Variants in ARHGEF3 observed in about 807,000 individuals in gnomAD.
The protein encoded by ARHGEF3 is Rho guanine nucleotide exchange factor 3, also known as 59.8 kDA protein.
A neutral mutation model predicts 63.2 loss-of-function variants in ARHGEF3; 28 were observed. That is an observed-to-expected ratio of 0.44 (90% CI 0.33 to 0.61). The LOEUF is 0.61. Ranked by LOEUF, ARHGEF3 falls within the 20% of genes least tolerant of loss-of-function variation. ARHGEF3 has a pLI of 0.03. For missense variants in ARHGEF3, 533 were observed against 659.3 expected (o/e 0.81, Z 2.10); for synonymous variants, 266 against 254.2 (o/e 1.05, Z -0.44).
chr3:56,827,462 T>C (rs926662949), intron 4 of ARHGEF3, among the ~76,000 whole-genome samples: 4 of 152,156 alleles, frequency 2.6e-5, no homozygotes, highest in African/African-American at 7.2e-5. Flanking sequence ...GCAAGCTGCC[T>C]CACCTGCTTA....
At chr3:56,914,257 T>C (rs772351969) in intron 3 of ARHGEF3, among the ~76,000 whole-genome samples, 10 of 152,182 alleles carry the variant, frequency 6.6e-5, no homozygotes, top group Non-Finnish European at 1.2e-4. Context: ...ATACTAGCTG[T>C]ACTCTAATGA....
intron 3 of ARHGEF3, chr3:56,938,556 A>G (rs1560066446): frequency 6.6e-6 from 1 of 152,220 alleles, no homozygotes; most frequent in Non-Finnish European, 1.5e-5. Flanking sequence ...TACACTAAAT[A>G]TGCATGAGAC....
Position 56,774,213 on chromosome 3 carries a change from T to A in ARHGEF3, c.97-397A>T, listed in dbSNP as rs1033100380. On this transcript the variant is annotated intron_variant, in intron 1 of 9. Transcript: ENST00000296315. Reference sequence around the variant, plus strand: ...CTTTTGTTGCTTCTGGTTTCATCTCTTTAAAAACCTTTTCCCCATCTTGCC... The same window carrying A: ...CTTTTGTTGCTTCTGGTTTCATCTCATTAAAAACCTTTTCCCCATCTTGCC... 2.6e-5 allele frequency among the ~76,000 whole-genome samples: 4 copies of A among 152,166 alleles called. No homozygotes were observed. In the South Asian group the frequency reaches 8.3e-4, roughly 31 times the overall value.
At chr3:56,809,019 G>C (rs1014058711) in intron 4 of ARHGEF3, among the ~76,000 whole-genome samples, 2 of 152,156 alleles carry the variant, frequency 1.3e-5, no homozygotes, top group Admixed American at 6.5e-5. Context: ...TGACCTCAAG[G>C]TATTTTCACT....
chr3:56,898,500 C>T lies in ARHGEF3; in HGVS notation c.130-16146G>A, dbSNP rs561502258. The T allele has an allele frequency of 5.3e-5, 9 of 168,878 alleles. No homozygotes were observed. In the East Asian group the frequency reaches 5.6e-4, roughly 10 times the overall value. The allele number at this position is 168,878 out of a possible 1,614,324, so 10.5% of individuals were successfully genotyped here. A position where few individuals can be genotyped will look rare whatever the true frequency, so the allele number is the denominator to read the frequency against. ...CTGAGATTACAGGCATGAGCCACAG[C>T]GCCTGGCCAGTCTTCTTTCTTTAGT... On this transcript the variant is annotated intron_variant, in intron 3 of 12. Transcript: ENST00000338458.
At chr3:56,774,162 T>C (rs1305734112) in intron 1 of ARHGEF3, among the ~76,000 whole-genome samples, 1 of 152,222 alleles carries the variant, frequency 6.6e-6, no homozygotes, top group Non-Finnish European at 1.5e-5. Flanking sequence ...AAAAGCAGTG[T>C]CTGATTTCTC....
chr3:56,752,219 C>G (rs1423461286), intron 4 of ARHGEF3, among the ~76,000 whole-genome samples: 1 of 150,186 alleles, frequency 6.7e-6, no homozygotes, highest in Admixed American at 6.6e-5. Context: ...CAGCACCCAG[C>G]CTAATTTTTG....
chr3:56,864,644 G>A (rs1006330612), intron 4 of ARHGEF3, among the ~76,000 whole-genome samples: 2 of 152,144 alleles, frequency 1.3e-5, no homozygotes, highest in African/African-American at 4.8e-5. Flanking sequence ...CCAACACAGC[G>A]TGACTATAGG....
chr3:57,067,529 T>C (rs1385363658), intron 1 of ARHGEF3, among the ~76,000 whole-genome samples: 1 of 149,776 alleles, frequency 6.7e-6, no homozygotes, highest in East Asian at 2.0e-4. Context: ...ATAGTAGATA[T>C]ATTTGTTTTC....
At chr3:56,883,333 T>C (rs1025289815) in intron 3 of ARHGEF3, among the ~76,000 whole-genome samples, 1 of 151,418 alleles carries the variant, frequency 6.6e-6, no homozygotes, top group South Asian at 2.1e-4. Flanking sequence ...AGGGTCTCCC[T>C]CTGTTGCCTA....
chr3:56,954,741 CAATCCGGGA>C (rs1466804267), intron 3 of ARHGEF3, among the ~76,000 whole-genome samples: 3 of 152,158 alleles, frequency 2.0e-5, no homozygotes, highest in Non-Finnish European at 4.4e-5. Flanking sequence ...ATGAAGATGA[CAATCCGGGA>C]AAGGGCTAAA....
rs147437260 is a variant in ARHGEF3, at chr3:56,987,101, A to C, written c.63-28212T>G. ...GTGATGCATGCCTGTAGTCCCAGCT[A>C]CTAGGAAGGCTAAGATGGGAGGATC... On this transcript the variant is annotated intron_variant, in intron 2 of 12. Transcript: ENST00000338458. Among the ~76,000 whole-genome samples the C allele has an allele frequency of 1.9e-3, 294 of 152,288 alleles. 2 individuals are homozygous for C. Among genetic ancestry groups the C allele is most frequent in the Middle Eastern group, 6.8e-3 (2 of 292 alleles).
intron 1 of ARHGEF3, among the ~76,000 whole-genome samples, chr3:57,044,017 AC>A (rs1005280359): frequency 4.5e-4 from 68 of 152,306 alleles, no homozygotes; most frequent in African/African-American, 1.6e-3. Context: ...TCCACCACTC[AC>A]ATCACCCCCT....
At chr3:57,071,096 T>C (rs1705875035) in intron 1 of ARHGEF3, among the ~76,000 whole-genome samples, 1 of 151,902 alleles carries the variant, frequency 6.6e-6, no homozygotes, top group African/African-American at 2.4e-5. Flanking sequence ...TAGACAGCAA[T>C]ACTGGCATAA....
At chr3:57,054,857 G>A (rs192342570) in intron 1 of ARHGEF3, among the ~76,000 whole-genome samples, 11 of 151,614 alleles carry the variant, frequency 7.3e-5, no homozygotes, top group Admixed American at 5.3e-4. Flanking sequence ...CACCATGTTG[G>A]CCAGTATGAT....
intron 3 of ARHGEF3, among the ~76,000 whole-genome samples, chr3:56,948,435 G>T (rs1002181496): frequency 1.4e-4 from 22 of 152,134 alleles, no homozygotes; most frequent in Non-Finnish European, 8.8e-5. Flanking sequence ...AATAAAAAAT[G>T]ATAAAGGGGA....
rs563952836 is a variant in ARHGEF3 at position 57,029,452 on chromosome 3, C to T, written c.62+5636G>A. Among the ~76,000 whole-genome samples the T allele has an allele frequency of 3.1e-4, 47 of 151,996 alleles. 2 individuals carry two copies. In the South Asian group the frequency reaches 9.4e-3, roughly 30 times the overall value. On this transcript the variant is annotated intron_variant, in intron 2 of 12. Coordinates refer to the ARHGEF3 transcript ENST00000338458. ...CTCAAAAAAAAAAAAAATCTACTTA[C>T]CTCATTGTCCTGATCACATAGTTGA...
intron 4 of ARHGEF3, among the ~76,000 whole-genome samples, chr3:56,827,004 A>G (rs1401675566): frequency 6.6e-6 from 1 of 152,182 alleles, no homozygotes; most frequent in Non-Finnish European, 1.5e-5. Context: ...TGTAAATATG[A>G]AAACATAAAA....
intron 2 of ARHGEF3, among the ~76,000 whole-genome samples, chr3:57,021,155 G>A (rs946263598): frequency 6.6e-6 from 1 of 152,146 alleles, no homozygotes; most frequent in Admixed American, 6.6e-5. Flanking sequence ...ATAGACACCT[G>A]TGGTTCACCC....
Sources: gnomAD v4.1 joint callset for allele counts (sites outside exome capture counted in the v4.1 genomes callset) on GRCh38, gnomAD v4.1.1 for gene constraint, MANE v1.5 for transcripts, NCBI Gene and HGNC (gene_info 2026-07-23, HGNC 2026-07-21) for gene names.